Variants in TECRL observed in about 807,000 individuals in gnomAD.
The protein encoded by TECRL is trans-2,3-enoyl-CoA reductase like.
In TECRL, 63 loss-of-function variants were observed where a neutral mutation model predicts 52.8. The ratio of observed to expected loss-of-function variants is 1.19; its 90% CI spans 0.97 to 1.47. The LOEUF (loss-of-function observed/expected upper bound fraction) is 1.47. TECRL is among the 40% of genes most tolerant of loss of function. TECRL has a pLI of 0.00. For synonymous variants in TECRL, 164 were observed against 141.9 expected (o/e 1.16, Z -1.10); for missense variants, 482 against 429.6 (o/e 1.12, Z -1.08).
In TECRL at chr4:64,314,864, G is replaced by C. The variant is rs961897585; in HGVS notation, c.436-101C>G. The C allele has an allele frequency of 1.1e-5, 9 of 818,304 alleles. No individual in the cohort carries two copies. The African/African-American group carries it at 1.6e-4, about 14-fold the overall frequency. The allele number at this position is 818,304 out of a possible 1,614,324, so 50.7% of individuals were successfully genotyped here. On this transcript the variant is annotated intron_variant, in intron 4 of 11. Coordinates refer to ENST00000381210, the MANE Select transcript of TECRL (RefSeq NM_001010874.5). ...GCCTACTGCATAAATTGGTGAAACAGGTAGATTTTTTGTAACTAGATTAAG... is the reference window on the plus strand; with the variant it reads ...GCCTACTGCATAAATTGGTGAAACACGTAGATTTTTTGTAACTAGATTAAG...
At chr4:64,382,769 G>C (rs964000944) in intron 1 of TECRL, among the ~76,000 whole-genome samples, 1 of 151,898 alleles carries the variant, frequency 6.6e-6, no homozygotes, top group Admixed American at 6.6e-5. Flanking sequence ...CTATTATTTT[G>C]TATGTCCTTT....
At chr4:64,329,362 T>TC (rs1359213807) in intron 2 of TECRL, among the ~76,000 whole-genome samples, 1 of 151,922 alleles carries the variant, frequency 6.6e-6, no homozygotes, top group African/African-American at 2.4e-5. Flanking sequence ...TTCTTTTTTT[T>TC]CAATACATTC....
chr4:64,300,051 A>C, intron 7 of TECRL, 34 bp from the exon 8 acceptor site: 1 of 1,517,728 alleles, frequency 6.6e-7, no homozygotes, highest in Non-Finnish European at 8.9e-7. Context: ...TCATGCAGAT[A>C]CTCATAGTTT....
At chr4:64,394,767 T>C (rs1017261792) in intron 1 of TECRL, among the ~76,000 whole-genome samples, 1 of 152,132 alleles carries the variant, frequency 6.6e-6, no homozygotes, top group Admixed American at 6.6e-5. Flanking sequence ...GGTACTACTT[T>C]ACTACGTATA....
At chr4:64,390,556 T>G (rs1020786552) in intron 1 of TECRL, among the ~76,000 whole-genome samples, 1 of 151,866 alleles carries the variant, frequency 6.6e-6, no homozygotes, top group African/African-American at 2.4e-5. Flanking sequence ...TGAGGAAAGC[T>G]ACAGTTCATC....
chr4:64,378,657 A>C (rs1722567051), intron 1 of TECRL, among the ~76,000 whole-genome samples: 2 of 152,146 alleles, frequency 1.3e-5, no homozygotes, highest in Admixed American at 6.6e-5. Context: ...TATAGAAAAT[A>C]ATTTTTATAC....
At chr4:64,319,983 C>T (rs1308959367) in intron 4 of TECRL, among the ~76,000 whole-genome samples, 1 of 151,798 alleles carries the variant, frequency 6.6e-6, no homozygotes, top group Non-Finnish European at 1.5e-5. Context: ...GAAGAAGTTC[C>T]TTCTTAAGGA....
At chr4:64,288,503 A>G (rs761885386) in intron 9 of TECRL, among the ~76,000 whole-genome samples, 30 of 152,148 alleles carry the variant, frequency 2.0e-4, no homozygotes, top group Non-Finnish European at 2.6e-4. Context: ...TATATATATA[A>G]AAGTCATTTT....
intron 11 of TECRL, among the ~76,000 whole-genome samples, chr4:64,280,799 C>T (rs1219943869): frequency 6.6e-6 from 1 of 152,116 alleles, no homozygotes; most frequent in African/African-American, 2.4e-5. Flanking sequence ...AACAAAACTT[C>T]ATTGCTTAAT....
intron 7 of TECRL, 119 bp downstream of exon 7, chr4:64,305,046 TG>T: frequency 1.5e-6 from 1 of 676,956 alleles, no homozygotes; most frequent in East Asian, 2.7e-5. Flanking sequence ...AAATATGATA[TG>T]AAAGCAATTT....
intron 1 of TECRL, among the ~76,000 whole-genome samples, chr4:64,394,988 C>G (rs1183115705): frequency 6.7e-6 from 1 of 149,550 alleles, no homozygotes; most frequent in African/African-American, 2.5e-5. Flanking sequence ...TCTCAGCTCA[C>G]CACAACCTTT....
At chr4:64,291,826 G>A (rs77118738) in intron 8 of TECRL, among the ~76,000 whole-genome samples, 5,932 of 151,686 alleles carry the variant, frequency 0.039, 384 homozygotes, top group African/African-American at 0.14. Context: ...GAGAGAGAAA[G>A]GTAGAAAAAA....
chr4:64,364,435 T>C (rs559730525), intron 2 of TECRL, among the ~76,000 whole-genome samples: 2 of 152,122 alleles, frequency 1.3e-5, no homozygotes, highest in South Asian at 2.1e-4. Flanking sequence ...GAAATTGATA[T>C]GTTAAAAACC....
Position 64,350,280 on chromosome 4 carries a change from T to C in TECRL, c.287-21724A>G, listed in dbSNP as rs76490064. On this transcript the variant is annotated intron_variant, in intron 2 of 11. Transcript: ENST00000381210. ...TAGCATTTTCATACTTTATTTAGCT[T>C]ACAATGTTGTTGTCATTGTGATGCT... Among the ~76,000 whole-genome samples the C allele has an allele frequency of 7.8e-3, 1,184 of 152,326 alleles. 17 individuals are homozygous for C. The highest frequency in any genetic ancestry group is 0.027 in the African/African-American group (1,110 of 41,578).
intron 2 of TECRL, among the ~76,000 whole-genome samples, chr4:64,331,752 G>T (rs558131090): frequency 1.3e-5 from 2 of 152,188 alleles, no homozygotes; most frequent in South Asian, 2.1e-4. Flanking sequence ...TGATAGTGTA[G>T]TCATGCAGAA....
At chr4:64,283,881 G>A (rs1196495741) in intron 9 of TECRL, among the ~76,000 whole-genome samples, 1 of 151,956 alleles carries the variant, frequency 6.6e-6, no homozygotes, top group East Asian at 1.9e-4. Context: ...AACACAGAAG[G>A]CACTACACTG....
At chr4:64,317,238 C>T (rs1717563884) in intron 4 of TECRL, among the ~76,000 whole-genome samples, 2 of 151,766 alleles carry the variant, frequency 1.3e-5, no homozygotes, top group African/African-American at 4.8e-5. Context: ...AGATCATGGC[C>T]ACTGCACTCC....
intron 1 of TECRL, among the ~76,000 whole-genome samples, chr4:64,377,635 T>G (rs1722495908): frequency 6.6e-6 from 1 of 152,072 alleles, no homozygotes; most frequent in Admixed American, 6.6e-5. Flanking sequence ...GCAAATGATG[T>G]TAGTTAAACC....
chr4:64,381,709 T>C (rs1325919214), intron 1 of TECRL, among the ~76,000 whole-genome samples: 1 of 152,182 alleles, frequency 6.6e-6, no homozygotes, highest in Non-Finnish European at 1.5e-5. Context: ...GATTTGCATA[T>C]ATTGAAGTAT....
Sources: gnomAD v4.1 joint callset for allele counts (sites outside exome capture counted in the v4.1 genomes callset) on GRCh38, gnomAD v4.1.1 for gene constraint, MANE v1.5 for transcripts, NCBI Gene and HGNC (gene_info 2026-07-23, HGNC 2026-07-21) for gene names.